The following GUCY1A1 variants were observed in gnomAD, a reference collection of about 807,000 sequenced individuals.
GUCY1A1 encodes guanylate cyclase soluble subunit alpha-1.
GUCY1A1 carries 48 observed loss-of-function variants against 64.5 expected under a neutral mutation model. That is an observed-to-expected ratio of 0.74 (90% CI 0.59 to 0.95). The LOEUF is 0.95. Among genes scored for constraint, GUCY1A1 ranks in the 40% least tolerant of loss-of-function variants. GUCY1A1 has a pLI of 0.00. For missense variants in GUCY1A1, 804 were observed against 825.3 expected (o/e 0.97, Z 0.32); for synonymous variants, 308 against 303.4 (o/e 1.02, Z -0.16).
chr4:155,711,898 AAAT>A (rs1732617230), intron 6 of GUCY1A1, among the ~76,000 whole-genome samples: 1 of 152,224 alleles, frequency 6.6e-6, no homozygotes, highest in African/African-American at 2.4e-5. Context: ...TCTATCATAA[AAAT>A]AATAAAATAT....
chr4:155,692,829 C>A (rs1431243744), intron 2 of GUCY1A1, among the ~76,000 whole-genome samples: 1 of 152,118 alleles, frequency 6.6e-6, no homozygotes, highest in Non-Finnish European at 1.5e-5. Flanking sequence ...GAGACTGAGG[C>A]ACGTGGATCA....
At chr4:155,701,164 G>C (rs1490473902) in intron 3 of GUCY1A1, among the ~76,000 whole-genome samples, 1 of 152,136 alleles carries the variant, frequency 6.6e-6, no homozygotes, top group Non-Finnish European at 1.5e-5. Context: ...TGTGAGTTCT[G>C]TCTCTTATGG....
chr4:155,722,351 A>G, intron 9 of GUCY1A1, 159 bp downstream of exon 9: 1 of 1,428,162 alleles, frequency 7.0e-7, no homozygotes, highest in Non-Finnish European at 9.1e-7. Context: ...TAACTTTTTT[A>G]CACTGCTTAT....
chr4:155,714,994 T>A (rs1439492298), intron 7 of GUCY1A1, among the ~76,000 whole-genome samples: 2 of 152,200 alleles, frequency 1.3e-5, no homozygotes, highest in Non-Finnish European at 2.9e-5. Flanking sequence ...AGTAGCCCTC[T>A]TCTACTTTTG....
chr4:155,682,784 G>A (rs1351766761), intron 2 of GUCY1A1, among the ~76,000 whole-genome samples: 2 of 148,904 alleles, frequency 1.3e-5, no homozygotes, highest in African/African-American at 4.9e-5. Flanking sequence ...AATATTTTTT[G>A]TCCTTTTATG....
rs1735588561 is a variant in GUCY1A1 at position 155,731,881 on chromosome 4, T to C, written c.*1650T>C. ...TACAATGATGCTGTTTACTAAGTGA[T>C]AACCCCGTATCTTACAGGACTGACT... On this transcript the variant is annotated 3_prime_UTR_variant, in exon 10 of 10. Transcript: ENST00000506455. 6.6e-6 allele frequency: 1 copy of C among 151,750 alleles called. No homozygotes were observed. The highest frequency in any genetic ancestry group is 2.4e-5 in the African/African-American group (1 of 41,382). The allele number at this position is 151,750 out of a possible 1,614,324, so 9.4% of individuals were successfully genotyped here. A position where few individuals can be genotyped will look rare whatever the true frequency, so the allele number is the denominator to read the frequency against.
chr4:155,673,206 T>C (rs1438303173), intron 2 of GUCY1A1, among the ~76,000 whole-genome samples: 2 of 151,468 alleles, frequency 1.3e-5, no homozygotes, highest in African/African-American at 4.9e-5. Flanking sequence ...ACACTCTTCT[T>C]AGAGACTCAG....
At chr4:155,722,790 A>G (rs1014050227) in intron 9 of GUCY1A1, among the ~76,000 whole-genome samples, 1 of 152,174 alleles carries the variant, frequency 6.6e-6, no homozygotes, top group African/African-American at 2.4e-5. Context: ...ATGAAGAAAC[A>G]GTTTGGGTAA....
chr4:155,725,992 A>C (rs963220274), intron 9 of GUCY1A1, among the ~76,000 whole-genome samples: 3 of 152,054 alleles, frequency 2.0e-5, no homozygotes, highest in Admixed American at 2.0e-4. Context: ...CATTACCCAG[A>C]GATAGTAACT....
At chr4:155,723,784 T>G (rs537697417) in intron 9 of GUCY1A1, among the ~76,000 whole-genome samples, 1 of 152,144 alleles carries the variant, frequency 6.6e-6, no homozygotes, top group Non-Finnish European at 1.5e-5. Context: ...TGCCTCAGCC[T>G]CCCAAGTAGG....
Position 155,733,328 on chromosome 4 carries a change from G to A in GUCY1A1, c.*3097G>A, listed in dbSNP as rs10025738. 0.012 allele frequency among the ~76,000 whole-genome samples: 1,887 copies of A among 151,698 alleles called. 39 individuals are homozygous for A. Among genetic ancestry groups the A allele is most frequent in the African/African-American group, 0.043 (1,799 of 41,406 alleles). On this transcript the variant is annotated 3_prime_UTR_variant, in exon 10 of 10. Coordinates refer to ENST00000506455, the MANE Select transcript of GUCY1A1 (RefSeq NM_001130682.3). ...TCAAGCAGAGAAGGGGAAGGACATG[G>A]TCCAGGAAAATAAATCAGCACACAA... is the stretch of plus-strand genomic sequence containing the variant.
rs1730482561 is a variant in GUCY1A1, at chr4:155,696,901, A to G, written c.34A>G (p.Thr12Ala). The G allele has an allele frequency of 1.2e-6, 2 of 1,613,150 alleles. No individual in the cohort carries two copies. Among genetic ancestry groups the G allele is most frequent in the Admixed American group, 3.3e-5 (2 of 59,964 alleles). ...CACGAAGCTCAAGGATCTCAAGATC[A>G]CAGGAGAGTGTCCTTTCTCCTTACT... is the stretch of plus-strand genomic sequence containing the variant. ...FCTKLKDLKITGECPFSLLAP... is the reference protein window; with the variant it reads ...FCTKLKDLKIAGECPFSLLAP... The change falls in exon 3 of 10, where the codon ACA becomes GCA. Residue 12 changes from threonine to alanine, a missense_variant. Coordinates refer to ENST00000506455, the MANE Select transcript of GUCY1A1 (RefSeq NM_001130682.3).
At chr4:155,687,419 A>G (rs1729141549) in intron 2 of GUCY1A1, among the ~76,000 whole-genome samples, 1 of 152,106 alleles carries the variant, frequency 6.6e-6, no homozygotes, top group Non-Finnish European at 1.5e-5. Context: ...AAGACCAGGC[A>G]CTTTATATAT....
intron 7 of GUCY1A1, among the ~76,000 whole-genome samples, chr4:155,715,577 G>A (rs534107714): frequency 2.7e-4 from 41 of 152,308 alleles, no homozygotes; most frequent in African/African-American, 9.4e-4. Context: ...ATGACGTGAC[G>A]AAGGGATGCA....
At chr4:155,710,368 AG>A (rs1366732387) in intron 5 of GUCY1A1, among the ~76,000 whole-genome samples, 173 bp from the exon 6 acceptor site, 1 of 152,342 alleles carries the variant, frequency 6.6e-6, no homozygotes, top group East Asian at 1.9e-4. Flanking sequence ...GAATTTTAGA[AG>A]CTAACCTAGG....
In GUCY1A1 at chr4:155,731,639, G is replaced by A. The variant is rs1735561622; in HGVS notation, c.*1408G>A. 6.6e-6 allele frequency: 1 copy of A among 151,886 alleles called. No individual in the cohort carries two copies. The highest frequency in any genetic ancestry group is 1.9e-4 in the East Asian group (1 of 5,132). 9.4% of individuals were successfully genotyped at this position (151,886 alleles called of 1,614,324 possible). A position where few individuals can be genotyped will look rare whatever the true frequency, so the allele number is the denominator to read the frequency against. On this transcript the variant is annotated 3_prime_UTR_variant, in exon 10 of 10. Coordinates refer to ENST00000506455, the MANE Select transcript of GUCY1A1 (RefSeq NM_001130682.3). Reference sequence around the variant, plus strand: ...GGATAAAGATTTGATTTTAAAAACAGCTTGAATTTAAAGCAAGAAAAAGAT... The same window carrying A: ...GGATAAAGATTTGATTTTAAAAACAACTTGAATTTAAAGCAAGAAAAAGAT...
At chr4:155,675,197 T>A (rs945027341) in intron 2 of GUCY1A1, among the ~76,000 whole-genome samples, 15 of 151,658 alleles carry the variant, frequency 9.9e-5, no homozygotes, top group African/African-American at 3.7e-4. Flanking sequence ...ATGCTCATTA[T>A]AAGCAGTTAA....
intron 9 of GUCY1A1, among the ~76,000 whole-genome samples, chr4:155,726,160 T>C (rs1270572170): frequency 6.6e-6 from 1 of 152,060 alleles, no homozygotes; most frequent in Middle Eastern, 3.2e-3. Flanking sequence ...TTTGTATTGA[T>C]TTCAATAATA....
At chr4:155,676,081 C>T (rs1734874984) in intron 2 of GUCY1A1, among the ~76,000 whole-genome samples, 1 of 151,378 alleles carries the variant, frequency 6.6e-6, no homozygotes. Flanking sequence ...TGCCCAATAG[C>T]AGTGGTTACT....
Sources: allele counts gnomAD v4.1 joint callset (sites outside exome capture counted in the v4.1 genomes callset), GRCh38; gene constraint gnomAD v4.1.1; transcripts MANE v1.5; gene names NCBI Gene and HGNC (gene_info 2026-07-23, HGNC 2026-07-21).